The following YAF2 variants were observed in gnomAD, a reference collection of about 807,000 sequenced individuals.
YAF2 encodes the protein YY1-associated factor 2.
Under a neutral mutation model 20.1 loss-of-function variants are expected in YAF2, and 7 were observed. The ratio of observed to expected loss-of-function variants is 0.35; its 90% CI spans 0.20 to 0.65. The LOEUF (loss-of-function observed/expected upper bound fraction) is 0.65, where lower values mean the gene tolerates loss of function less well. YAF2 is among the 30% of genes least tolerant of loss of function. The probability of loss-of-function intolerance (pLI) is 0.69; values close to 1 mark genes in which losing one functional copy is unlikely to be tolerated. For synonymous variants in YAF2, 74 were observed against 76.0 expected (o/e 0.97, Z 0.14); for missense variants, 151 against 219.2 (o/e 0.69, Z 1.96).
intron 2 of YAF2, among the ~76,000 whole-genome samples, chr12:42,179,823 T>C (rs1203343448): frequency 6.7e-6 from 1 of 150,134 alleles, no homozygotes; most frequent in Non-Finnish European, 1.5e-5. Context: ...ATCAGTAGTA[T>C]TAAAAGATGT....
At chr12:42,221,986 T>C (rs963379884) in intron 2 of YAF2, among the ~76,000 whole-genome samples, 2 of 152,200 alleles carry the variant, frequency 1.3e-5, no homozygotes, top group African/African-American at 4.8e-5. Flanking sequence ...AAAGGTTCCT[T>C]TTAGCTCTAA....
At chr12:42,199,277 A>G (rs1343081516) in intron 2 of YAF2, 1 of 1,116,260 alleles carries the variant, frequency 9.0e-7, no homozygotes, top group East Asian at 5.9e-5. Flanking sequence ...CACTATGTAC[A>G]CATGGAACAG....
At chr12:42,176,898 G>A (rs2066209544) in intron 2 of YAF2, among the ~76,000 whole-genome samples, 1 of 151,996 alleles carries the variant, frequency 6.6e-6, no homozygotes, top group African/African-American at 2.4e-5. Flanking sequence ...ACCCAGGAGG[G>A]GGAGGTTGCA....
chr12:42,227,593 C>T (rs1278547838), intron 2 of YAF2, among the ~76,000 whole-genome samples: 1 of 149,352 alleles, frequency 6.7e-6, no homozygotes, highest in Non-Finnish European at 1.5e-5. Context: ...TGAGGAGACC[C>T]TCTGCCTGGC....
intron 2 of YAF2, among the ~76,000 whole-genome samples, chr12:42,221,297 G>A (rs958404757): frequency 3.3e-5 from 5 of 152,144 alleles, no homozygotes; most frequent in Non-Finnish European, 5.9e-5. Context: ...TGGAGGCTAG[G>A]CATGGTGGCT....
intron 3 of YAF2, chr12:42,161,298 C>G (rs539814639): frequency 3.8e-6 from 1 of 261,858 alleles, no homozygotes; most frequent in East Asian, 1.1e-4. Flanking sequence ...ATTATCTGTT[C>G]GGTATGTTGA....
In YAF2 at chr12:42,237,589, C is replaced by T. The variant is rs2068213805; in HGVS notation, c.152+10G>A. 6.5e-7 allele frequency: 1 copy of T among 1,528,620 alleles called. No individual in the cohort carries two copies. The allele number at this position is 1,528,620 out of a possible 1,614,324, so 94.7% of individuals were successfully genotyped here. A position where few individuals can be genotyped will look rare whatever the true frequency, so the allele number is the denominator to read the frequency against. On this transcript the variant is annotated intron_variant, in intron 2 of 3. Coordinates refer to ENST00000534854, the MANE Select transcript of YAF2 (RefSeq NM_005748.6). The stretch of plus-strand genomic sequence containing the variant: ...CGGCCGGCGGCGCGAGGGGCAGGCC[C>T]GGGACTCACCGGGTGGAGGTGCCCT...
chr12:42,235,957 C>T (rs1261584888), intron 2 of YAF2: 1 of 1,536,108 alleles, frequency 6.5e-7, no homozygotes, highest in African/African-American at 1.4e-5. Context: ...CCAAGACTGG[C>T]TGTGGAGTAG....
intron 2 of YAF2, among the ~76,000 whole-genome samples, chr12:42,219,821 A>G (rs1189512499): frequency 1.3e-5 from 2 of 152,198 alleles, no homozygotes; most frequent in Non-Finnish European, 2.9e-5. Context: ...TAAGTCCTCA[A>G]TGAGGCCTGA....
At chr12:42,227,844 T>G (rs1217525224) in intron 2 of YAF2, among the ~76,000 whole-genome samples, 3 of 103,500 alleles carry the variant, frequency 2.9e-5, no homozygotes, top group Non-Finnish European at 1.9e-5. Flanking sequence ...GGGAGGGAGG[T>G]GGGGGGGTCA....
chr12:42,232,051 C>T, intron 2 of YAF2: 1 of 152,130 alleles, frequency 6.6e-6, no homozygotes, highest in East Asian at 1.9e-4. Context: ...CTTTGGTATA[C>T]AGTAGAAGTG....
chr12:42,233,340 T>A (rs2068038581), intron 2 of YAF2: 1 of 985,118 alleles, frequency 1.0e-6, no homozygotes, highest in Non-Finnish European at 1.2e-6. Flanking sequence ...AACCAATAAT[T>A]CTATCATTTT....
chr12:42,235,828 G>A, intron 2 of YAF2: 9 of 1,535,618 alleles, frequency 5.9e-6, no homozygotes, highest in Non-Finnish European at 7.8e-6. Context: ...CCACTTCTCT[G>A]TCCTGGGCCA....
chr12:42,176,961 C>G (rs2066210931), intron 2 of YAF2, among the ~76,000 whole-genome samples: 1 of 152,196 alleles, frequency 6.6e-6, no homozygotes, highest in Non-Finnish European at 1.5e-5. Context: ...AAGCAAAACT[C>G]TGTCTCAAAA....
At chr12:42,173,995 C>T (rs1338850331) in intron 2 of YAF2, among the ~76,000 whole-genome samples, 1 of 152,004 alleles carries the variant, frequency 6.6e-6, no homozygotes, top group Non-Finnish European at 1.5e-5. Context: ...CCAGGACACA[C>T]TCCTGCCACT....
chr12:42,165,756 C>G (rs1037523438), intron 2 of YAF2, among the ~76,000 whole-genome samples: 3 of 146,476 alleles, frequency 2.0e-5, no homozygotes, highest in African/African-American at 7.5e-5. Flanking sequence ...CAGATGTGAG[C>G]TGCTGCGCCC....
intron 2 of YAF2, among the ~76,000 whole-genome samples, chr12:42,187,687 T>C (rs2066508596): frequency 6.6e-6 from 1 of 152,136 alleles, no homozygotes; most frequent in Non-Finnish European, 1.5e-5. Context: ...AGCATGAAAA[T>C]ACCTTAATAT....
intron 2 of YAF2, chr12:42,233,564 T>C: frequency 1.2e-6 from 1 of 831,608 alleles, no homozygotes; most frequent in Non-Finnish European, 1.4e-6. Context: ...CAGGCTGGAG[T>C]GCAGTGGTAT....
In YAF2 at chr12:42,160,365, T is replaced by A. The variant is rs986219226; in HGVS notation, c.*224A>T. ...GCATAATGAATAATTCAACCACATT[T>A]TCATGGCACTTAACTGCAGAGACCA... On this transcript the variant is annotated 3_prime_UTR_variant, in exon 4 of 4. Coordinates refer to ENST00000534854, the MANE Select transcript of YAF2 (RefSeq NM_005748.6). 26 of 490,666 alleles carry A rather than the reference T, an allele frequency of 5.3e-5. No individual in the cohort carries two copies. Among genetic ancestry groups the A allele is most frequent in the Non-Finnish European group, 7.5e-5 (21 of 278,260 alleles). The allele number at this position is 490,666 out of a possible 1,614,324, so 30.4% of individuals were successfully genotyped here. A position where few individuals can be genotyped will look rare whatever the true frequency, so the allele number is the denominator to read the frequency against.
Sources: gnomAD v4.1 joint callset for allele counts (sites outside exome capture counted in the v4.1 genomes callset) on GRCh38, gnomAD v4.1.1 for gene constraint, MANE v1.5 for transcripts, NCBI Gene and HGNC (gene_info 2026-07-23, HGNC 2026-07-21) for gene names.